Variants in CACNA2D1 observed in about 807,000 individuals in gnomAD.
CACNA2D1 encodes the protein voltage-dependent calcium channel subunit alpha-2/delta-1.
Under a neutral mutation model 171.5 loss-of-function variants are expected in CACNA2D1, and 53 were observed. That is an observed-to-expected ratio of 0.31 (90% CI 0.25 to 0.39). The LOEUF (loss-of-function observed/expected upper bound fraction) is 0.39. Ranked by LOEUF, CACNA2D1 falls within the 10% of genes least tolerant of loss-of-function variation. The pLI, the probability that CACNA2D1 is intolerant of heterozygous loss-of-function variation, is 1.00. For missense variants in CACNA2D1, 903 were observed against 1,299.8 expected, an observed-to-expected ratio of 0.69 and a Z score of 4.69; for synonymous variants, 442 against 443.1, an observed-to-expected ratio of 1.00 and a Z score of 0.03.
At chr7:82,223,808 A>T (rs1802044411) in intron 3 of CACNA2D1, among the ~76,000 whole-genome samples, 1 of 152,192 alleles carries the variant, frequency 6.6e-6, no homozygotes, top group East Asian at 1.9e-4. Flanking sequence ...TGCTTCTGAA[A>T]ATGTAAATCA....
chr7:82,224,799 G>C (rs921035180), intron 3 of CACNA2D1, among the ~76,000 whole-genome samples: 4 of 152,016 alleles, frequency 2.6e-5, no homozygotes, highest in Non-Finnish European at 5.9e-5. Context: ...CAAAATGTGC[G>C]ATGACAGATG....
chr7:82,352,720 G>A (rs1346203141), intron 1 of CACNA2D1, among the ~76,000 whole-genome samples: 1 of 152,162 alleles, frequency 6.6e-6, no homozygotes, highest in East Asian at 1.9e-4. Context: ...GTTGATAGAA[G>A]AGGCTTTCTG....
chr7:82,309,941 G>C (rs576955644), intron 3 of CACNA2D1, among the ~76,000 whole-genome samples: 1 of 152,022 alleles, frequency 6.6e-6, no homozygotes, highest in East Asian at 1.9e-4. Flanking sequence ...AGTCTTTAAG[G>C]CTTGTTATGT....
At chr7:82,007,570 A>G in intron 16 of CACNA2D1, 109 bp downstream of exon 16, 1 of 709,924 alleles carries the variant, frequency 1.4e-6, no homozygotes, top group Non-Finnish European at 2.5e-6. Context: ...CTGGCCTCAC[A>G]AGACAATTAC....
intron 1 of CACNA2D1, among the ~76,000 whole-genome samples, chr7:82,373,900 T>G (rs553547858): frequency 6.6e-6 from 1 of 152,326 alleles, no homozygotes; most frequent in East Asian, 1.9e-4. Flanking sequence ...TCTAGACAAG[T>G]GTACGAAAAA....
chr7:81,967,582 T>A lies in CACNA2D1; in HGVS notation c.2463+14A>T, dbSNP rs749391834. On this transcript the variant is annotated intron_variant, in intron 30 of 38. Transcript: ENST00000356860. ...CATTAAACATAGCATAAGAATTTTT[T>A]AAAAATATCTTACCGGATCTCTGAT... is the stretch of plus-strand genomic sequence containing the variant. 2.1e-5 allele frequency: 30 copies of A among 1,400,960 alleles called. No homozygotes were observed. In the East Asian group the frequency reaches 2.8e-4, roughly 13 times the overall value. 86.8% of individuals were successfully genotyped at this position (1,400,960 alleles called of 1,614,324 possible).
rs1326221447 is a variant in CACNA2D1, at chr7:81,994,890, G to A, written c.1712C>T (p.Thr571Ile). The A allele has an allele frequency of 2.6e-6, 4 of 1,529,264 alleles. No individual in the cohort carries two copies. Among genetic ancestry groups the A allele is most frequent in the Non-Finnish European group, 3.6e-6 (4 of 1,103,310 alleles). The allele number at this position is 1,529,264 out of a possible 1,614,324, so 94.7% of individuals were successfully genotyped here. Reference protein sequence around the residue: ...DGESGEKTFRTLVKSQDERYI... With the variant: ...DGESGEKTFRILVKSQDERYI... ...TACCTCATCTTGAGATTTAACCAGA[G>A]TTCTGAATGTTTTTTCTCCACTTTC... The change falls in exon 20 of 39, where the codon ACT becomes ATT. Residue 571 changes from threonine (T) to isoleucine (I), a missense_variant. This residue lies in a region of CACNA2D1 where 623 missense variants were observed against 925.5 expected (regional missense o/e 0.67). Coordinates refer to ENST00000356860, the MANE Select transcript of CACNA2D1 (RefSeq NM_000722.4).
At chr7:81,983,432 G>A in intron 22 of CACNA2D1, 98 bp from the exon 23 acceptor site, 1 of 894,096 alleles carries the variant, frequency 1.1e-6, no homozygotes, top group Non-Finnish European at 1.8e-6. Context: ...TGACTTTCTT[G>A]AATAAAAATA....
chr7:82,055,248 AG>A (rs1255716565), intron 10 of CACNA2D1, among the ~76,000 whole-genome samples: 2 of 152,276 alleles, frequency 1.3e-5, no homozygotes, highest in African/African-American at 4.8e-5. Flanking sequence ...CCCTCTGGAC[AG>A]GCAAAAGTAA....
chr7:82,355,940 T>A (rs1004146606), intron 1 of CACNA2D1, among the ~76,000 whole-genome samples: 2 of 152,032 alleles, frequency 1.3e-5, no homozygotes, highest in Non-Finnish European at 2.9e-5. Flanking sequence ...AAAATTGAAC[T>A]CAATATCTTC....
chr7:82,242,861 T>C, intron 3 of CACNA2D1, among the ~76,000 whole-genome samples: 1 of 152,146 alleles, frequency 6.6e-6, no homozygotes, highest in East Asian at 1.9e-4. Context: ...CAAGAAAAAA[T>C]GTATTTTGTT....
At chr7:82,296,945 C>A (rs897829402) in intron 3 of CACNA2D1, among the ~76,000 whole-genome samples, 1 of 151,628 alleles carries the variant, frequency 6.6e-6, no homozygotes, top group South Asian at 2.1e-4. Context: ...TTAGTAAAAA[C>A]TCATATTGGC....
intron 3 of CACNA2D1, among the ~76,000 whole-genome samples, chr7:82,321,723 GATA>G (rs1031783149): frequency 2.0e-5 from 3 of 152,084 alleles, no homozygotes; most frequent in African/African-American, 7.2e-5. Flanking sequence ...TACAAAATGA[GATA>G]TTCTTCTAAA....
chr7:82,375,539 C>T (rs1349591758), intron 1 of CACNA2D1, among the ~76,000 whole-genome samples: 2 of 152,142 alleles, frequency 1.3e-5, no homozygotes, highest in Non-Finnish European at 2.9e-5. Context: ...CCCCATGGCG[C>T]CTCTTTTCTC....
At chr7:82,400,084 A>T (rs1051119715) in intron 1 of CACNA2D1, among the ~76,000 whole-genome samples, 1 of 150,986 alleles carries the variant, frequency 6.6e-6, no homozygotes, top group Admixed American at 6.6e-5. Flanking sequence ...TACCAGTACC[A>T]TGCTGTTTTG....
At chr7:82,278,327 C>T (rs1369649139) in intron 3 of CACNA2D1, among the ~76,000 whole-genome samples, 3 of 152,064 alleles carry the variant, frequency 2.0e-5, no homozygotes, top group African/African-American at 7.2e-5. Flanking sequence ...GCCTGTAATC[C>T]CAGCACTTTG....
At chr7:82,226,599 T>C (rs1175137817) in intron 3 of CACNA2D1, among the ~76,000 whole-genome samples, 1 of 152,030 alleles carries the variant, frequency 6.6e-6, no homozygotes, top group East Asian at 1.9e-4. Flanking sequence ...GCCTCCTGAG[T>C]ACAGAAGAGG....
chr7:82,108,321 T>C (rs1787983436), intron 6 of CACNA2D1, among the ~76,000 whole-genome samples: 1 of 152,160 alleles, frequency 6.6e-6, no homozygotes, highest in African/African-American at 2.4e-5. Context: ...AGCTATAAAG[T>C]ATAGCTACTT....
At chr7:82,140,042 C>T (rs915149787) in intron 4 of CACNA2D1, among the ~76,000 whole-genome samples, 4 of 151,960 alleles carry the variant, frequency 2.6e-5, no homozygotes, top group Admixed American at 2.0e-4. Flanking sequence ...CTGCCTGCCT[C>T]AGCATCCCAA....
Sources: gnomAD v4.1 joint callset for allele counts (sites outside exome capture counted in the v4.1 genomes callset) on GRCh38, gnomAD v4.1.1 for gene constraint, gnomAD v4.1.1 regional missense constraint, MANE v1.5 for transcripts, NCBI Gene and HGNC (gene_info 2026-07-23, HGNC 2026-07-21) for gene names.